FRMPD4: variants seen among roughly 807,000 people sequenced by gnomAD.
The protein encoded by FRMPD4 is FERM and PDZ domain containing 4.
A neutral mutation model predicts 94.1 loss-of-function variants in FRMPD4; 22 were observed. The ratio of observed to expected loss-of-function variants is 0.23; its 90% confidence interval spans 0.17 to 0.33. The LOEUF is 0.33. Ranked by LOEUF, FRMPD4 falls within the 10% of genes least tolerant of loss-of-function variation. The pLI, the probability that FRMPD4 is intolerant of heterozygous loss-of-function variation, is 1.00. For missense variants in FRMPD4, 1,111 were observed against 1,339.9 expected, an observed-to-expected ratio of 0.83 and a Z score of 2.67; for synonymous variants, 631 against 548.6, an observed-to-expected ratio of 1.15 and a Z score of -2.10.
chrX:12,188,090 T>C (rs2056445986), intron 1 of FRMPD4, among the ~76,000 whole-genome samples: 1 of 111,782 alleles, frequency 8.9e-6, no homozygotes, highest in Non-Finnish European at 1.9e-5. Context: ...ACAGTGGCAC[T>C]GGAGTCAGCT....
intron 1 of FRMPD4, among the ~76,000 whole-genome samples, chrX:11,844,857 C>T (rs2053564469): frequency 9.0e-6 from 1 of 111,575 alleles, no homozygotes; most frequent in Admixed American, 9.5e-5. Context: ...GATGTTGTCC[C>T]ACAAATTTCT....
intron 3 of FRMPD4, among the ~76,000 whole-genome samples, chrX:11,926,798 G>A (rs755267152): frequency 5.4e-5 from 6 of 111,303 alleles, no homozygotes; most frequent in Admixed American, 9.5e-5. Context: ...AGCCAATATC[G>A]TACTGAATGG....
chrX:12,161,604 T>C (rs149833276), intron 1 of FRMPD4, among the ~76,000 whole-genome samples: 2 of 111,814 alleles, frequency 1.8e-5, no homozygotes, highest in African/African-American at 6.5e-5. Context: ...AACTAACTTA[T>C]CCAAGGAAGA....
chrX:11,963,223 A>G (rs2054292982), intron 3 of FRMPD4, among the ~76,000 whole-genome samples: 1 of 112,386 alleles, frequency 8.9e-6, no homozygotes, highest in Non-Finnish European at 1.9e-5. Context: ...GGAGCCACTC[A>G]CTCATGTCCT....
At chrX:11,951,974 T>TTAAGTCATAATG (rs2054226820) in intron 3 of FRMPD4, among the ~76,000 whole-genome samples, 1 of 112,323 alleles carries the variant, frequency 8.9e-6, no homozygotes, top group Admixed American at 9.4e-5. Flanking sequence ...AGGTCAAGGC[T>TTAAGTCATAATG]GCAGTGAGTC....
intron 1 of FRMPD4, among the ~76,000 whole-genome samples, chrX:12,206,974 G>T (rs921296183): frequency 8.9e-6 from 1 of 111,925 alleles, no homozygotes; most frequent in African/African-American, 3.2e-5. Flanking sequence ...AAAGACTGTT[G>T]TTTCCTTCCA....
intron 3 of FRMPD4, among the ~76,000 whole-genome samples, chrX:12,038,236 C>T (rs2054730781): frequency 8.9e-6 from 1 of 111,805 alleles, no homozygotes; most frequent in African/African-American, 3.3e-5. Context: ...GCTGCGTCAC[C>T]TTGTATTCCC....
At chrX:12,297,645 CAG>C (rs1393040099) in intron 1 of FRMPD4, among the ~76,000 whole-genome samples, 3 of 111,328 alleles carry the variant, frequency 2.7e-5, no homozygotes, top group African/African-American at 9.8e-5. Context: ...GTGGGAGAGA[CAG>C]GGATTTGTAG....
At chrX:12,685,090 G>C (rs1207897332) in intron 6 of FRMPD4, among the ~76,000 whole-genome samples, 1 of 112,225 alleles carries the variant, frequency 8.9e-6, no homozygotes, top group Non-Finnish European at 1.9e-5. Flanking sequence ...CACAGGAGCA[G>C]AAAAGAGGGG....
chrX:12,487,834 A>AC (rs2057754715), intron 1 of FRMPD4, among the ~76,000 whole-genome samples: 1 of 112,259 alleles, frequency 8.9e-6, no homozygotes, highest in South Asian at 3.7e-4. Context: ...TGGGATGGGG[A>AC]GAGACAATGG....
chrX:12,224,088 G>C (rs1265998307), intron 1 of FRMPD4, among the ~76,000 whole-genome samples: 1 of 109,448 alleles, frequency 9.1e-6, no homozygotes, highest in Admixed American at 1.0e-4. Flanking sequence ...GACAACCAAA[G>C]ATGCCTCTAG....
intron 3 of FRMPD4, among the ~76,000 whole-genome samples, chrX:12,123,531 C>T (rs986554396): frequency 1.8e-5 from 2 of 111,817 alleles, no homozygotes; most frequent in Admixed American, 9.5e-5. Flanking sequence ...ACTACATTTT[C>T]GACTTCTAGG....
At chrX:12,656,678 C>T (rs1003186267) in intron 4 of FRMPD4, among the ~76,000 whole-genome samples, 4 of 112,231 alleles carry the variant, frequency 3.6e-5, no homozygotes, top group Admixed American at 9.4e-5. Context: ...TATTAAAAAT[C>T]GGAACTGTGG....
rs772904783 is a variant in FRMPD4 at position 12,501,217 on chromosome X, T to C, written c.158+2421T>C. Among the ~76,000 whole-genome samples, 9 of 112,662 alleles carry C rather than the reference T, an allele frequency of 8.0e-5. No individual in the cohort carries two copies. In the South Asian group the frequency reaches 1.8e-3, roughly 23 times the overall value. On this transcript the variant is annotated intron_variant, in intron 2 of 16. Transcript: ENST00000675598. ...TAAAACATAAGAGCAAATCAGCAGC[T>C]TAATAGAGAAACCTGCACTGATTAC... is the stretch of plus-strand genomic sequence containing the variant.
chrX:12,452,523 ATT>A (rs2057284371), intron 1 of FRMPD4, among the ~76,000 whole-genome samples: 1 of 112,005 alleles, frequency 8.9e-6, no homozygotes, highest in African/African-American at 3.2e-5. Context: ...AGTAATCTGC[ATT>A]GTCAGTCCCT....
intron 3 of FRMPD4, among the ~76,000 whole-genome samples, chrX:12,090,029 C>G (rs1258254850): frequency 9.0e-6 from 1 of 111,318 alleles, no homozygotes; most frequent in African/African-American, 3.3e-5. Flanking sequence ...ACAAGGGCCA[C>G]AGGAAAAGAA....
At chrX:12,042,346 T>C (rs1009227887) in intron 3 of FRMPD4, among the ~76,000 whole-genome samples, 4 of 111,503 alleles carry the variant, frequency 3.6e-5, no homozygotes, top group African/African-American at 1.3e-4. Context: ...GTTTTATTTT[T>C]GTTTGTTTAT....
intron 8 of FRMPD4, among the ~76,000 whole-genome samples, chrX:12,693,744 T>TCTCTCTGC (rs1370189203): frequency 3.6e-5 from 4 of 112,018 alleles, no homozygotes; most frequent in African/African-American, 1.3e-4. Context: ...TACTGGACAA[T>TCTCTCTGC]CTCTCTGCTG....
At chrX:12,193,835 G>A (rs5933966) in intron 1 of FRMPD4, among the ~76,000 whole-genome samples, 6,035 of 28,382 alleles carry the variant, frequency 0.21, 1,607 homozygotes, top group African/African-American at 0.36. Context: ...AGGAGGGAAG[G>A]AAGAAAGAAA....
Sources: gnomAD v4.1 joint callset for allele counts (sites outside exome capture counted in the v4.1 genomes callset) on GRCh38, gnomAD v4.1.1 for gene constraint, MANE v1.5 for transcripts, NCBI Gene and HGNC (gene_info 2026-07-23, HGNC 2026-07-21) for gene names.